Variants in ARHGEF1 observed in about 807,000 individuals in gnomAD.
ARHGEF1 encodes the protein Rho guanine nucleotide exchange factor 1.
ARHGEF1 carries 40 observed loss-of-function variants against 119.7 expected under a neutral mutation model. The observed-to-expected ratio is 0.33, with a 90% CI of 0.26 to 0.44. ARHGEF1 has a LOEUF of 0.44. Ranked by LOEUF, ARHGEF1 falls within the 20% of genes least tolerant of loss-of-function variation. ARHGEF1 has a pLI of 1.00. For missense variants in ARHGEF1, 976 were observed against 1,268.3 expected (o/e 0.77, Z 3.50); for synonymous variants, 494 against 521.0 (o/e 0.95, Z 0.71).
chr19:41,903,455 C>T lies in ARHGEF1; in HGVS notation c.1839+48C>T. 2 of 1,564,712 alleles carry T rather than the reference C, an allele frequency of 1.3e-6. No homozygotes were observed. Among genetic ancestry groups the T allele is most frequent in the Non-Finnish European group, 1.8e-6 (2 of 1,138,192 alleles). ...CCCGGGACAGTGGATGGTGTGAGAGCAGGGGGTGGACCCTACCTCAGCCTG... is the reference window on the plus strand; with the variant it reads ...CCCGGGACAGTGGATGGTGTGAGAGTAGGGGGTGGACCCTACCTCAGCCTG... On this transcript the variant is annotated intron_variant, in intron 19 of 28. Transcript: ENST00000354532. This position sits in a 1 kb window ranked among gnomAD's most constrained non-coding sequence, Gnocchi z 4.2.
downstream of ARHGEF1, chr19:41,908,752 A>G: frequency 1.4e-6 from 1 of 737,950 alleles, no homozygotes; most frequent in Non-Finnish European, 1.9e-6. This position sits in a 1 kb window ranked among gnomAD's most constrained non-coding sequence, Gnocchi z 6.7. Flanking sequence ...CCTCCCTGCC[A>G]TATCCCACCC....
Position 41,895,519 on chromosome 19 carries a change from C to G in ARHGEF1, c.1015+33C>G, listed in dbSNP as rs537572082. On this transcript the variant is annotated intron_variant, in intron 12 of 28. Transcript: ENST00000354532. The stretch of plus-strand genomic sequence containing the variant: ...TTTCCTGGGCCAGGGCTCCATGAGG[C>G]CCGGCGATCCAGGGTGGGGGTGCTG... The G allele has an allele frequency of 1.5e-5, 24 of 1,560,682 alleles. No homozygotes were observed. The African/African-American group carries it at 2.8e-4, about 18-fold the overall frequency.
chr19:41,926,356 G>A (rs2074870403), intron 1 of ARHGEF1, among the ~76,000 whole-genome samples: 1 of 152,134 alleles, frequency 6.6e-6, no homozygotes, highest in Admixed American at 6.5e-5. Context: ...GTTGCGTGCA[G>A]GCAGGTATGA....
upstream of ARHGEF1, among the ~76,000 whole-genome samples, chr19:41,921,795 C>A (rs868955677): frequency 6.6e-6 from 1 of 151,968 alleles, no homozygotes; most frequent in Non-Finnish European, 1.5e-5. The surrounding 1 kb of genome is among the most constrained non-coding windows in gnomAD (Gnocchi z 4.4). Context: ...CCTCGTCCTC[C>A]GCCCCACCTC....
rs1422096113 is a variant in ARHGEF1, at chr19:41,888,584, A to C, written c.112-168A>C. Among the ~76,000 whole-genome samples the C allele has an allele frequency of 1.3e-5, 2 of 152,176 alleles. No individual in the cohort carries two copies. Among genetic ancestry groups the C allele is most frequent in the Non-Finnish European group, 2.9e-5 (2 of 68,030 alleles). On this transcript the variant is annotated intron_variant, in intron 3 of 28. Transcript: ENST00000354532. The surrounding 1 kb of genome is among the most constrained non-coding windows in gnomAD (Gnocchi z 5.1). Reference sequence around the variant, plus strand: ...TATTAAGTCTCATCCATTCTCCCTGAACACCTGCCCTTGCTGTCACCATCA... The same window carrying C: ...TATTAAGTCTCATCCATTCTCCCTGCACACCTGCCCTTGCTGTCACCATCA...
upstream of ARHGEF1, among the ~76,000 whole-genome samples, chr19:41,920,842 A>G (rs2074837680): frequency 3.3e-5 from 5 of 152,126 alleles, no homozygotes; most frequent in Admixed American, 2.6e-4. Flanking sequence ...AGAGGTGGGG[A>G]GGCTCCAGGC....
chr19:41,897,120 C>A (rs1274104441), intron 13 of ARHGEF1: 1 of 380,694 alleles, frequency 2.6e-6, no homozygotes, highest in Non-Finnish European at 5.1e-6. Flanking sequence ...TCGCTCCTGC[C>A]TCCTGGTGCC....
intron 1 of ARHGEF1, among the ~76,000 whole-genome samples, chr19:41,926,727 G>C (rs1214093312): frequency 2.0e-5 from 3 of 152,144 alleles, no homozygotes; most frequent in Non-Finnish European, 2.9e-5. Flanking sequence ...GGGGGAGCGG[G>C]CGGGGGGGCC....
In ARHGEF1 at chr19:41,926,010, G is replaced by A. The variant is rs575513396; in HGVS notation, c.140+2777G>A. 1.1e-4 allele frequency among the ~76,000 whole-genome samples: 16 copies of A among 152,074 alleles called. 1 individual carries two copies. Among genetic ancestry groups the A allele is most frequent in the African/African-American group, 2.4e-4 (10 of 41,460 alleles). ...TGAGTGTGTGCATGTGTGGTGACTCGGTACTGCTTGAGAGGAGGAAGAGGT... is the reference window on the plus strand; with the variant it reads ...TGAGTGTGTGCATGTGTGGTGACTCAGTACTGCTTGAGAGGAGGAAGAGGT... On this transcript the variant is annotated intron_variant, in intron 1 of 2. Coordinates refer to the ARHGEF1 transcript ENST00000594417.
At chr19:41,927,549 C>T (rs1555853373) in intron 1 of ARHGEF1, among the ~76,000 whole-genome samples, 1 of 152,128 alleles carries the variant, frequency 6.6e-6, no homozygotes, top group Non-Finnish European at 1.5e-5. Flanking sequence ...CTCCCAACCT[C>T]AGATATCTAG....
At chr19:41,898,278 T>C (rs757924641) in intron 13 of ARHGEF1, 164 bp from the exon 14 acceptor site, 75 of 1,302,998 alleles carry the variant, frequency 5.8e-5, no homozygotes, top group Non-Finnish European at 7.3e-5. Flanking sequence ...TCTAGAGATC[T>C]GGGAACTCTA....
chr19:41,909,097 T>C (rs2074737746), downstream of ARHGEF1: 1 of 1,231,576 alleles, frequency 8.1e-7, no homozygotes, highest in South Asian at 4.1e-5. This position sits in a 1 kb window ranked among gnomAD's most constrained non-coding sequence, Gnocchi z 5.2. Flanking sequence ...CCAGACGCAA[T>C]TTATCTGTCT....
intron 1 of ARHGEF1, among the ~76,000 whole-genome samples, chr19:41,926,045 C>T (rs1290348617): frequency 6.6e-6 from 1 of 151,704 alleles, no homozygotes; most frequent in Non-Finnish European, 1.5e-5. Flanking sequence ...TGAAGAAATA[C>T]GAATGTGTGA....
rs1322493505 is a variant in ARHGEF1 at position 41,904,795 on chromosome 19, G to A, written c.2162-154G>A. ...GAGGTGGGGCTCAGGAGGACACATC[G>A]GGCCCTGGATATTAGCAGACAGTGA... is the stretch of plus-strand genomic sequence containing the variant. On this transcript the variant is annotated intron_variant, in intron 22 of 28. Transcript: ENST00000354532. The surrounding 1 kb of genome is among the most constrained non-coding windows in gnomAD (Gnocchi z 8.4). Among the ~76,000 whole-genome samples the A allele has an allele frequency of 6.6e-6, 1 of 152,066 alleles. No homozygotes were observed. The highest frequency in any genetic ancestry group is 2.4e-5 in the African/African-American group (1 of 41,390).
chr19:41,910,699 C>T (rs1599671315), downstream of ARHGEF1, among the ~76,000 whole-genome samples: 2 of 152,308 alleles, frequency 1.3e-5, no homozygotes, highest in South Asian at 4.1e-4. This position sits in a 1 kb window ranked among gnomAD's most constrained non-coding sequence, Gnocchi z 4.4. Flanking sequence ...CATGTCCGTC[C>T]AAGAGCAGTC....
rs563012068 is a variant in ARHGEF1, at chr19:41,916,899, G to T, written c.1866-6193G>T. 3.9e-5 allele frequency among the ~76,000 whole-genome samples: 6 copies of T among 152,136 alleles called. No individual in the cohort carries two copies. In the East Asian group the frequency reaches 1.2e-3, roughly 29 times the overall value. ...ACACCCAGACACACTGGGTAGGGGTGGGCACTCAGAGATGACCCCAACCCA... is the reference window on the plus strand; with the variant it reads ...ACACCCAGACACACTGGGTAGGGGTTGGCACTCAGAGATGACCCCAACCCA... On this transcript the variant is annotated intron_variant, in intron 18 of 20. Coordinates refer to the ARHGEF1 transcript ENST00000599589. The surrounding 1 kb of genome is among the most constrained non-coding windows in gnomAD (Gnocchi z 5.4).
At chr19:41,897,196 G>C (rs1018230296) in intron 13 of ARHGEF1, 1 of 1,030,526 alleles carries the variant, frequency 9.7e-7, no homozygotes, top group Non-Finnish European at 1.3e-6. Flanking sequence ...CAGCTGGGGG[G>C]CAGGCTCTGC....
chr19:41,919,555 A>T (rs2074825149), upstream of ARHGEF1, among the ~76,000 whole-genome samples: 1 of 151,830 alleles, frequency 6.6e-6, no homozygotes, highest in East Asian at 1.9e-4. Context: ...CTGAACCCAG[A>T]CTCAGACACA....
At chr19:41,925,633 G>T (rs567765059) in intron 1 of ARHGEF1, among the ~76,000 whole-genome samples, 1 of 152,084 alleles carries the variant, frequency 6.6e-6, no homozygotes, top group Admixed American at 6.6e-5. Context: ...ATCAGGTGGT[G>T]CTTGGGGTTA....
Sources: allele counts gnomAD v4.1 joint callset (sites outside exome capture counted in the v4.1 genomes callset), GRCh38; gene constraint gnomAD v4.1.1; non-coding constraint Gnocchi (gnomAD v3.1); transcripts MANE v1.5; gene names NCBI Gene and HGNC (gene_info 2026-07-23, HGNC 2026-07-21).